PTPRM: variants seen among roughly 807,000 people sequenced by gnomAD.
PTPRM encodes protein tyrosine phosphatase receptor type M.
PTPRM carries 47 observed loss-of-function variants against 186.7 expected under a neutral mutation model. The observed-to-expected ratio is 0.25, with a 90% CI of 0.20 to 0.32. The LOEUF is 0.32. Among genes scored for constraint, PTPRM ranks in the 10% least tolerant of loss-of-function variants. The pLI is 1.00. For synonymous variants in PTPRM, 668 were observed against 674.9 expected (o/e 0.99, Z 0.16); for missense variants, 1,494 against 1,865.0 (o/e 0.80, Z 3.66).
intron 14 of PTPRM, among the ~76,000 whole-genome samples, chr18:8,145,831 C>A (rs981110726): frequency 1.3e-5 from 2 of 152,104 alleles, no homozygotes; most frequent in Non-Finnish European, 2.9e-5. Context: ...AATTTATAAT[C>A]CTTTGGGTAT....
At chr18:7,573,795 G>GGCCA (rs2036620272) in intron 1 of PTPRM, among the ~76,000 whole-genome samples, 1 of 152,050 alleles carries the variant, frequency 6.6e-6, no homozygotes, top group Admixed American at 6.6e-5. Context: ...TCACCATGTT[G>GGCCA]GCCATGGCTG....
intron 2 of PTPRM, among the ~76,000 whole-genome samples, chr18:7,856,966 C>T (rs1316157939): frequency 6.6e-6 from 1 of 152,140 alleles, no homozygotes; most frequent in East Asian, 1.9e-4. Context: ...ATGTCTCTTG[C>T]CCTCGCTCCT....
chr18:7,871,708 A>C (rs1205242148), intron 2 of PTPRM, among the ~76,000 whole-genome samples: 2 of 152,086 alleles, frequency 1.3e-5, no homozygotes, highest in Non-Finnish European at 2.9e-5. Flanking sequence ...CACCTCCCTG[A>C]GCTAGCTTCA....
chr18:7,855,111 T>A (rs959830828), intron 2 of PTPRM, among the ~76,000 whole-genome samples: 1 of 152,176 alleles, frequency 6.6e-6, no homozygotes, highest in African/African-American at 2.4e-5. Context: ...TGCTATAATG[T>A]AGGTGTTTTC....
intron 3 of PTPRM, among the ~76,000 whole-genome samples, chr18:7,893,043 T>C (rs1157274639): frequency 6.6e-6 from 1 of 152,250 alleles, no homozygotes; most frequent in Non-Finnish European, 1.5e-5. Context: ...AATAGCTTCA[T>C]ACTTTGAATT....
intron 17 of PTPRM, among the ~76,000 whole-genome samples, chr18:8,249,458 C>A (rs958991317): frequency 6.6e-6 from 1 of 152,120 alleles, no homozygotes; most frequent in Non-Finnish European, 1.5e-5. Context: ...GCATTTTATT[C>A]TTTTCATAAG....
intron 14 of PTPRM, among the ~76,000 whole-genome samples, chr18:8,191,706 G>A (rs1414224829): frequency 1.3e-5 from 2 of 152,164 alleles, no homozygotes; most frequent in African/African-American, 4.8e-5. Flanking sequence ...AGTGAGCAGG[G>A]GAATGGGGAG....
At chr18:8,250,278 A>C (rs935116512) in intron 17 of PTPRM, among the ~76,000 whole-genome samples, 10 of 152,176 alleles carry the variant, frequency 6.6e-5, no homozygotes, top group Non-Finnish European at 1.0e-4. Flanking sequence ...ATGGATCGAT[A>C]GATAGACAGA....
intron 11 of PTPRM, among the ~76,000 whole-genome samples, chr18:8,102,939 G>A (rs1364236195): frequency 1.3e-5 from 2 of 152,230 alleles, no homozygotes; most frequent in Non-Finnish European, 1.5e-5. Flanking sequence ...TAGAAGATAT[G>A]AAAACAGCAT....
chr18:8,178,656 A>C (rs997403785), intron 14 of PTPRM, among the ~76,000 whole-genome samples: 3 of 152,022 alleles, frequency 2.0e-5, no homozygotes, highest in Non-Finnish European at 4.4e-5. Flanking sequence ...GCATGGTGGT[A>C]TGTGCCTGTA....
chr18:8,005,586 A>G (rs2084131142), intron 7 of PTPRM, among the ~76,000 whole-genome samples: 4 of 152,212 alleles, frequency 2.6e-5, no homozygotes, highest in Admixed American at 2.6e-4. Context: ...TAGCGAGTGA[A>G]TAGCAGGGCC....
chr18:7,953,856 G>T (rs1373877917), intron 6 of PTPRM, among the ~76,000 whole-genome samples: 2 of 152,168 alleles, frequency 1.3e-5, no homozygotes, highest in East Asian at 3.9e-4. Context: ...AGAAATTTCA[G>T]CAAGCAAGCC....
At chr18:8,266,007 C>G (rs1568631172) in intron 19 of PTPRM, among the ~76,000 whole-genome samples, 1 of 152,104 alleles carries the variant, frequency 6.6e-6, no homozygotes, top group Non-Finnish European at 1.5e-5. Context: ...CTCTGGTTCT[C>G]TGTGGCTGGT....
At chr18:8,041,495 C>A (rs1018255717) in intron 7 of PTPRM, among the ~76,000 whole-genome samples, 3 of 151,646 alleles carry the variant, frequency 2.0e-5, no homozygotes, top group Non-Finnish European at 4.4e-5. Flanking sequence ...GCATATTTGT[C>A]ATTTCTACTA....
intron 1 of PTPRM, among the ~76,000 whole-genome samples, chr18:7,681,585 T>TA (rs546037419): frequency 3.1e-3 from 441 of 143,090 alleles, no homozygotes; most frequent in East Asian, 0.01. Flanking sequence ...TTAGATTCCT[T>TA]AAAAAAAAAA....
chr18:8,406,148 T>C lies in PTPRM; in HGVS notation c.4384T>C (p.Leu1462=). 1.2e-6 allele frequency: 2 copies of C among 1,614,110 alleles called. No homozygotes were observed. Among genetic ancestry groups the C allele is most frequent in the Middle Eastern group, 1.6e-4 (1 of 6,062 alleles). ...KFCYEVALEY[L]NSG is the part of the protein sequence containing the mutation. Reference sequence around the variant, plus strand: ...CTGCTACGAGGTGGCCCTGGAATACTTGAATTCTGGCTGATGGTGTAAACA... The same window carrying C: ...CTGCTACGAGGTGGCCCTGGAATACCTGAATTCTGGCTGATGGTGTAAACA... Residue 1462 remains leucine, a synonymous_variant, in exon 33 of 33, where the codon TTG becomes CTG. Transcript: ENST00000580170.
chr18:7,903,962 C>G (rs2049841766), intron 3 of PTPRM, among the ~76,000 whole-genome samples: 1 of 152,168 alleles, frequency 6.6e-6, no homozygotes. Flanking sequence ...TTAAAGATTG[C>G]ATCTACGATA....
At chr18:8,021,114 C>T (rs2085191369) in intron 7 of PTPRM, among the ~76,000 whole-genome samples, 2 of 152,118 alleles carry the variant, frequency 1.3e-5, no homozygotes, top group Admixed American at 6.6e-5. Context: ...GTAGCAGTAC[C>T]TGTTGACTGA....
At chr18:8,337,389 C>G (rs2095446040) in intron 22 of PTPRM, among the ~76,000 whole-genome samples, 1 of 152,066 alleles carries the variant, frequency 6.6e-6, no homozygotes, top group Non-Finnish European at 1.5e-5. Context: ...TTATCTCTAC[C>G]TCAGAAAATT....
Sources: gnomAD v4.1 joint callset for allele counts (sites outside exome capture counted in the v4.1 genomes callset) on GRCh38, gnomAD v4.1.1 for gene constraint, MANE v1.5 for transcripts, NCBI Gene and HGNC (gene_info 2026-07-23, HGNC 2026-07-21) for gene names.